Variants in CSMD1 observed in about 807,000 individuals in gnomAD.
CSMD1 encodes CUB and Sushi multiple domains 1, also known as CUB and sushi domain-containing protein 1.
Under a neutral mutation model 417.5 loss-of-function variants are expected in CSMD1, and 213 were observed. The observed-to-expected ratio is 0.51, with a 90% confidence interval of 0.46 to 0.57. CSMD1 has a LOEUF of 0.57. Ranked by LOEUF, CSMD1 falls within the 20% of genes least tolerant of loss-of-function variation. CSMD1 has a pLI of 0.00. For synonymous variants in CSMD1, 2,862 were observed against 1,736.8 expected, an observed-to-expected ratio of 1.65 and a Z score of -16.11; for missense variants, 6,923 against 4,529.7, an observed-to-expected ratio of 1.53 and a Z score of -15.17.
At chr8:3,057,657 A>C (rs962181816) in intron 49 of CSMD1, among the ~76,000 whole-genome samples, 6 of 152,198 alleles carry the variant, frequency 3.9e-5, no homozygotes, top group African/African-American at 1.4e-4. Flanking sequence ...ATAAAGTTAC[A>C]GATGCTAACA....
chr8:4,536,523 G>C (rs759990256), intron 2 of CSMD1, among the ~76,000 whole-genome samples: 23 of 152,194 alleles, frequency 1.5e-4, no homozygotes, highest in Admixed American at 3.9e-4. Context: ...CACATGTCAT[G>C]ATATTGTATA....
intron 1 of CSMD1, among the ~76,000 whole-genome samples, chr8:4,740,694 G>A (rs530286337): frequency 1.3e-5 from 2 of 152,326 alleles, no homozygotes; most frequent in South Asian, 2.1e-4. Flanking sequence ...CAAGGAGGGT[G>A]AGGTTGAAGT....
At chr8:3,814,611 A>G (rs956941938) in intron 5 of CSMD1, among the ~76,000 whole-genome samples, 4 of 152,188 alleles carry the variant, frequency 2.6e-5, no homozygotes, top group Admixed American at 6.5e-5. Flanking sequence ...TGGACATCCC[A>G]CAGCACACAG....
intron 1 of CSMD1, among the ~76,000 whole-genome samples, chr8:4,980,209 T>G (rs555573107): frequency 4.7e-4 from 71 of 152,310 alleles, no homozygotes; most frequent in Non-Finnish European, 8.1e-4. Context: ...CTCCTGAGCT[T>G]CGAGGTTGGA....
chr8:4,479,492 T>C (rs1333858464), intron 2 of CSMD1, among the ~76,000 whole-genome samples: 1 of 152,194 alleles, frequency 6.6e-6, no homozygotes, highest in East Asian at 1.9e-4. Flanking sequence ...CCTTAATGGA[T>C]TCTCAGTAGT....
chr8:3,771,459 G>A (rs576030067), intron 5 of CSMD1, among the ~76,000 whole-genome samples: 1 of 152,178 alleles, frequency 6.6e-6, no homozygotes. Flanking sequence ...TTGCTGGTGG[G>A]GGGGCAAGCA....
chr8:4,550,131 T>C (rs182909549), intron 2 of CSMD1, among the ~76,000 whole-genome samples: 161 of 151,866 alleles, frequency 1.1e-3, no homozygotes, highest in African/African-American at 3.8e-3. Context: ...AGTTCTCCTT[T>C]TCTGCTTGGT....
chr8:3,088,400 C>G (rs1219940606), intron 48 of CSMD1, among the ~76,000 whole-genome samples: 5 of 152,166 alleles, frequency 3.3e-5, no homozygotes, highest in Non-Finnish European at 7.3e-5. Context: ...AATTTTAGAT[C>G]TTCCACTTCC....
intron 3 of CSMD1, among the ~76,000 whole-genome samples, chr8:4,060,409 C>G (rs1798912010): frequency 6.6e-6 from 1 of 152,194 alleles, no homozygotes. Context: ...TCTCTCACCA[C>G]TCCTATTCAA....
intron 3 of CSMD1, among the ~76,000 whole-genome samples, chr8:4,205,480 C>G (rs182176135): frequency 1.3e-5 from 2 of 152,126 alleles, no homozygotes; most frequent in African/African-American, 4.8e-5. Context: ...CAATTTAGTT[C>G]TACAAACAAG....
chr8:3,945,638 A>C (rs1336838664), intron 5 of CSMD1, among the ~76,000 whole-genome samples: 1 of 152,120 alleles, frequency 6.6e-6, no homozygotes, highest in Non-Finnish European at 1.5e-5. Context: ...TCACAGTATT[A>C]ACTAAGCCTG....
At chr8:3,276,997 G>A (rs1051494549) in intron 26 of CSMD1, among the ~76,000 whole-genome samples, 1 of 152,092 alleles carries the variant, frequency 6.6e-6, no homozygotes, top group African/African-American at 2.4e-5. Context: ...GTGACAATGT[G>A]ATTGTCTTCG....
At chr8:4,722,180 T>A (rs1017171907) in intron 1 of CSMD1, among the ~76,000 whole-genome samples, 1 of 152,116 alleles carries the variant, frequency 6.6e-6, no homozygotes, top group African/African-American at 2.4e-5. Flanking sequence ...CACACACACA[T>A]GCTGACTATG....
chr8:3,989,572 G>A (rs1466409972), intron 5 of CSMD1, among the ~76,000 whole-genome samples: 1 of 152,150 alleles, frequency 6.6e-6, no homozygotes, highest in Non-Finnish European at 1.5e-5. Context: ...CCCCAAACAA[G>A]AAAGGGATTG....
chr8:4,371,739 A>C (rs1032418948), intron 3 of CSMD1, among the ~76,000 whole-genome samples: 3 of 152,204 alleles, frequency 2.0e-5, no homozygotes, highest in African/African-American at 7.2e-5. Flanking sequence ...TGTATTTTTC[A>C]AACGCCTAAG....
At chr8:4,863,124 A>C (rs1290629262) in intron 1 of CSMD1, among the ~76,000 whole-genome samples, 2 of 152,082 alleles carry the variant, frequency 1.3e-5, no homozygotes, top group African/African-American at 4.8e-5. Flanking sequence ...GAAAAATGAA[A>C]TAATAAATTA....
At chr8:3,881,251 T>C (rs1454650765) in intron 5 of CSMD1, among the ~76,000 whole-genome samples, 2 of 87,398 alleles carry the variant, frequency 2.3e-5, no homozygotes, top group Non-Finnish European at 4.3e-5. Flanking sequence ...GAGTTTTGTT[T>C]CTTTGTTTTT....
chr8:4,285,446 T>C (rs2128863137), intron 3 of CSMD1, among the ~76,000 whole-genome samples: 1 of 152,322 alleles, frequency 6.6e-6, no homozygotes, highest in South Asian at 2.1e-4. Context: ...ACAAGGGTAT[T>C]AGTTCAGAAT....
At chr8:3,050,444 G>A (rs1346372083) in intron 50 of CSMD1, among the ~76,000 whole-genome samples, 3 of 152,162 alleles carry the variant, frequency 2.0e-5, no homozygotes, top group Non-Finnish European at 2.9e-5. Context: ...TCCAGGCTGT[G>A]TGCAAAAGAA....
Sources: allele counts gnomAD v4.1 joint callset (sites outside exome capture counted in the v4.1 genomes callset), GRCh38; gene constraint gnomAD v4.1.1; transcripts MANE v1.5; gene names NCBI Gene and HGNC (gene_info 2026-07-23, HGNC 2026-07-21).